The following SYN2 variants were observed in gnomAD, a reference collection of about 807,000 sequenced individuals.
SYN2 encodes the protein synapsin II, also known as synapsin-2.
In SYN2, 19 loss-of-function variants were observed where a neutral mutation model predicts 50.9. The ratio of observed to expected loss-of-function variants is 0.37; its 90% CI spans 0.26 to 0.55. The LOEUF (loss-of-function observed/expected upper bound fraction) is 0.55, where lower values mean the gene tolerates loss of function less well. SYN2 is among the 20% of genes least tolerant of loss of function. The pLI is 0.81. For missense variants in SYN2, 587 were observed against 576.4 expected (o/e 1.02, Z -0.19); for synonymous variants, 255 against 224.9 (o/e 1.13, Z -1.20).
At chr3:12,066,410 G>A (rs1206145238) in intron 1 of SYN2, among the ~76,000 whole-genome samples, 1 of 152,164 alleles carries the variant, frequency 6.6e-6, no homozygotes, top group Non-Finnish European at 1.5e-5. Flanking sequence ...TATGAAAACA[G>A]AAGGATATTT....
At chr3:12,106,802 A>C (rs896869731) in intron 1 of SYN2, among the ~76,000 whole-genome samples, 1 of 152,254 alleles carries the variant, frequency 6.6e-6, no homozygotes, top group Non-Finnish European at 1.5e-5. Flanking sequence ...ATCATGTGTA[A>C]TTTAGTTTTC....
chr3:12,171,654 G>A (rs1049691903), intron 10 of SYN2, among the ~76,000 whole-genome samples: 1 of 152,204 alleles, frequency 6.6e-6, no homozygotes, highest in African/African-American at 2.4e-5. Flanking sequence ...AGAGTCAGGA[G>A]ACCTGCATTT....
chr3:12,038,387 CT>C lies in SYN2; in HGVS notation c.377+33467del, dbSNP rs940118977. On this transcript the variant is annotated intron_variant, in intron 1 of 12. Coordinates refer to ENST00000621198, the MANE Select transcript of SYN2 (RefSeq NM_133625.6). ...AACTTTGTTGTTTTTTAAAAAAAAA[CT>C]TTTTTTTGGCTATACTTTGAGTCCT... is the stretch of plus-strand genomic sequence containing the variant. Among the ~76,000 whole-genome samples the C allele has an allele frequency of 4.0e-5, 6 of 151,792 alleles. 1 individual carries two copies. The highest frequency in any genetic ancestry group is 1.4e-4 in the African/African-American group (6 of 41,410).
intron 1 of SYN2, among the ~76,000 whole-genome samples, chr3:12,095,244 C>G (rs985371951): frequency 1.3e-5 from 2 of 151,492 alleles, no homozygotes; most frequent in Non-Finnish European, 2.9e-5. Context: ...TAAAATAGCT[C>G]TTTTTTAAAG....
intron 1 of SYN2, among the ~76,000 whole-genome samples, chr3:12,075,085 A>G (rs760781718): frequency 6.6e-6 from 1 of 152,100 alleles, no homozygotes; most frequent in Non-Finnish European, 1.5e-5. Flanking sequence ...ATGTACTGTC[A>G]TTAATCTATT....
chr3:12,157,512 C>T lies in SYN2; in HGVS notation c.775-4034C>T, dbSNP rs762646307. Reference sequence around the variant, plus strand: ...ATAGGAAGAGAAAAGAGGGAACCTTCAGCAGCTGGTGGGGGCAATACACCT... The same window carrying T: ...ATAGGAAGAGAAAAGAGGGAACCTTTAGCAGCTGGTGGGGGCAATACACCT... On this transcript the variant is annotated intron_variant, in intron 5 of 12. Coordinates refer to ENST00000621198, the MANE Select transcript of SYN2 (RefSeq NM_133625.6). The T allele has an allele frequency of 3.7e-6, 6 of 1,607,924 alleles. No individual in the cohort carries two copies. The African/African-American group carries it at 8.0e-5, about 22-fold the overall frequency.
intron 10 of SYN2, among the ~76,000 whole-genome samples, chr3:12,180,082 G>A (rs953923766): frequency 7.2e-5 from 11 of 152,122 alleles, no homozygotes; most frequent in Admixed American, 3.3e-4. Flanking sequence ...CTGGGTAGCT[G>A]GGACTATAAG....
At chr3:12,043,880 C>T (rs2125150622) in intron 1 of SYN2, among the ~76,000 whole-genome samples, 1 of 152,224 alleles carries the variant, frequency 6.6e-6, no homozygotes, top group Non-Finnish European at 1.5e-5. Flanking sequence ...TTATCTGTTT[C>T]TCTCTCTCAA....
At chr3:12,184,239 T>C (rs1698291262) in intron 11 of SYN2, 2 of 985,766 alleles carry the variant, frequency 2.0e-6, no homozygotes, top group Admixed American at 6.2e-5. Flanking sequence ...GCCGCTGATG[T>C]GCAATATCAA....
Position 12,180,722 on chromosome 3 carries a change from C to T in SYN2, c.1309-2590C>T, listed in dbSNP as rs529691327. On this transcript the variant is annotated intron_variant, in intron 10 of 12. Coordinates refer to ENST00000621198, the MANE Select transcript of SYN2 (RefSeq NM_133625.6). ...ATCAAGGGTGGCCAAAGCATATTCC[C>T]AGGCTGCAGCCCAAAGGACTGCCTC... Among the ~76,000 whole-genome samples, 10 of 152,336 alleles carry T rather than the reference C, an allele frequency of 6.6e-5. No homozygotes were observed. In the East Asian group the frequency reaches 1.9e-3, roughly 29 times the overall value.
At chr3:12,015,784 C>T in intron 1 of SYN2, among the ~76,000 whole-genome samples, 1 of 152,138 alleles carries the variant, frequency 6.6e-6, no homozygotes, top group East Asian at 1.9e-4. Flanking sequence ...CATTAAACTG[C>T]CTTTGTTTCC....
intron 1 of SYN2, among the ~76,000 whole-genome samples, chr3:12,050,031 C>T (rs572859442): frequency 5.9e-5 from 9 of 152,268 alleles, no homozygotes; most frequent in African/African-American, 2.2e-4. Context: ...TCCCAAGTAG[C>T]TGGGATTACA....
At chr3:12,069,177 G>T (rs568223236) in intron 1 of SYN2, among the ~76,000 whole-genome samples, 22 of 151,406 alleles carry the variant, frequency 1.5e-4, no homozygotes, top group African/African-American at 5.1e-4. Context: ...ATGGACATTT[G>T]GGTTGTTTCC....
chr3:12,076,443 G>A (rs576693345), intron 1 of SYN2, among the ~76,000 whole-genome samples: 11 of 151,816 alleles, frequency 7.2e-5, no homozygotes, highest in South Asian at 2.1e-4. Context: ...TGATCACCAC[G>A]GGAAGTGAGG....
At chr3:12,040,594 G>A (rs139130019) in intron 1 of SYN2, among the ~76,000 whole-genome samples, 2,450 of 151,794 alleles carry the variant, frequency 0.016, 60 homozygotes, top group African/African-American at 0.056. Context: ...CACCACACCC[G>A]GCTAATTTTT....
At chr3:12,163,241 C>CAAAA (rs11404808) in intron 7 of SYN2, among the ~76,000 whole-genome samples, 4 of 122,596 alleles carry the variant, frequency 3.3e-5, no homozygotes, top group African/African-American at 1.3e-4. Flanking sequence ...GACTCTGTCT[C>CAAAA]AAAAAAAAAA....
intron 1 of SYN2, among the ~76,000 whole-genome samples, chr3:12,043,342 T>C (rs567743122): frequency 5.9e-5 from 9 of 152,274 alleles, no homozygotes; most frequent in Non-Finnish European, 1.2e-4. Context: ...TTTTTTCCTC[T>C]CCTAATTTCA....
intron 1 of SYN2, among the ~76,000 whole-genome samples, chr3:12,102,032 A>G (rs1050006628): frequency 6.6e-6 from 1 of 152,160 alleles, no homozygotes; most frequent in Non-Finnish European, 1.5e-5. Context: ...GAAAAATGAG[A>G]AATCATGTAT....
intron 5 of SYN2, chr3:12,153,589 CA>C: frequency 6.2e-7 from 1 of 1,614,168 alleles, no homozygotes; most frequent in Non-Finnish European, 8.5e-7. Context: ...GTGCCGTCAA[CA>C]TGCTTCATAC....
Sources: gnomAD v4.1 joint callset for allele counts (sites outside exome capture counted in the v4.1 genomes callset) on GRCh38, gnomAD v4.1.1 for gene constraint, MANE v1.5 for transcripts, NCBI Gene and HGNC (gene_info 2026-07-23, HGNC 2026-07-21) for gene names.